Variants in USP25 observed in about 807,000 individuals in gnomAD.
The protein encoded by USP25 is ubiquitin specific peptidase 25.
USP25 carries 85 observed loss-of-function variants against 158.5 expected under a neutral mutation model. That is an observed-to-expected ratio of 0.54 (90% confidence interval 0.45 to 0.64). USP25 has a LOEUF of 0.64. USP25 is among the 30% of genes least tolerant of loss of function. USP25 has a pLI of 0.00. For synonymous variants in USP25, 464 were observed against 460.4 expected (o/e 1.01, Z -0.10); for missense variants, 1,242 against 1,327.3 (o/e 0.94, Z 1.00).
chr21:15,750,181 C>CGTGTGTGTGT (rs367779613), intron 1 of USP25, among the ~76,000 whole-genome samples: 5 of 126,932 alleles, frequency 3.9e-5, no homozygotes, highest in African/African-American at 1.4e-4. Flanking sequence ...TCTCCAGTGC[C>CGTGTGTGTGT]GTGTGTGTGT....
Position 15,854,185 on chromosome 21 carries a change from G to A in USP25, c.2547+4313G>A, listed in dbSNP as rs1406515391. 5.3e-5 allele frequency among the ~76,000 whole-genome samples: 8 copies of A among 152,044 alleles called. No homozygotes were observed. In the East Asian group the frequency reaches 7.7e-4, roughly 15 times the overall value. On this transcript the variant is annotated intron_variant, in intron 20 of 25. Coordinates refer to ENST00000400183, the MANE Select transcript of USP25 (RefSeq NM_001283041.3). The stretch of plus-strand genomic sequence containing the variant: ...GTTTGAGGCAAAGTCTCACTCTGTC[G>A]CCCAGGCTGGAGTGCAGTGGTGCGA...
intron 9 of USP25, among the ~76,000 whole-genome samples, chr21:15,814,974 C>T (rs2036861480): frequency 6.6e-6 from 1 of 152,138 alleles, no homozygotes; most frequent in East Asian, 1.9e-4. Context: ...CCATCATAGA[C>T]CCAGAGAAGC....
chr21:15,785,217 A>G (rs917981489), intron 4 of USP25, among the ~76,000 whole-genome samples: 94 of 152,342 alleles, frequency 6.2e-4, no homozygotes, highest in African/African-American at 2.1e-3. Flanking sequence ...GTAAATATAT[A>G]AGCACCGAAC....
intron 18 of USP25, among the ~76,000 whole-genome samples, chr21:15,845,178 G>T (rs186899372): frequency 3.3e-5 from 5 of 152,196 alleles, no homozygotes; most frequent in African/African-American, 9.6e-5. Flanking sequence ...GACTTAGATA[G>T]CTTTTTTGTC....
intron 9 of USP25, among the ~76,000 whole-genome samples, chr21:15,813,016 C>T (rs1197128945): frequency 6.7e-6 from 1 of 149,442 alleles, no homozygotes; most frequent in Non-Finnish European, 1.5e-5. Context: ...ACTCTCTTTC[C>T]CCCCTTCCCT....
intron 23 of USP25, among the ~76,000 whole-genome samples, 189 bp from the exon 24 acceptor site, chr21:15,874,214 T>C (rs2040009404): frequency 6.6e-6 from 1 of 152,206 alleles, no homozygotes; most frequent in African/African-American, 2.4e-5. Context: ...AAGATAACTA[T>C]CTCTGGGTTT....
intron 24 of USP25, among the ~76,000 whole-genome samples, chr21:15,874,777 C>G (rs1239337153): frequency 6.6e-6 from 1 of 152,128 alleles, no homozygotes; most frequent in Non-Finnish European, 1.5e-5. Flanking sequence ...GTTTACATTT[C>G]TGTATTTAGA....
intron 22 of USP25, among the ~76,000 whole-genome samples, chr21:15,867,070 A>G (rs909654525): frequency 6.6e-5 from 10 of 152,186 alleles, no homozygotes; most frequent in South Asian, 2.1e-4. Flanking sequence ...GAGCACTTAC[A>G]TAGGTACTTG....
rs1054519632 is a variant in USP25, at chr21:15,816,486, G to T, written c.932-2212G>T. The stretch of plus-strand genomic sequence containing the variant: ...TTAAAAACACATTTCTCTGGCTTTT[G>T]TAACACCATATTCTTGTGGCTTTTT... On this transcript the variant is annotated intron_variant, in intron 9 of 25. Transcript: ENST00000400183. This position sits in a 1 kb window ranked among gnomAD's most constrained non-coding sequence, Gnocchi z 4.0. 3.3e-5 allele frequency among the ~76,000 whole-genome samples: 5 copies of T among 151,908 alleles called. No individual in the cohort carries two copies. Among genetic ancestry groups the T allele is most frequent in the Admixed American group, 2.0e-4 (3 of 15,248 alleles).
At position 15,766,199 on chromosome 21, in the gene USP25, G is replaced by T; in HGVS notation, c.268+58G>T. Reference sequence around the variant, plus strand: ...AGAAACATACTGAAAAACTTTTCTTGGTGTAATATATTAATGTTGCTTAAG... The same window carrying T: ...AGAAACATACTGAAAAACTTTTCTTTGTGTAATATATTAATGTTGCTTAAG... On this transcript the variant is annotated intron_variant, in intron 3 of 25. Coordinates refer to ENST00000400183, the MANE Select transcript of USP25 (RefSeq NM_001283041.3). The surrounding 1 kb of genome is among the most constrained non-coding windows in gnomAD (Gnocchi z 4.0). 6.7e-7 allele frequency: 1 copy of T among 1,496,738 alleles called. No homozygotes were observed. Among genetic ancestry groups the T allele is most frequent in the African/African-American group, 1.4e-5 (1 of 70,210 alleles). The allele number at this position is 1,496,738 out of a possible 1,614,324, so 92.7% of individuals were successfully genotyped here. A position where few individuals can be genotyped will look rare whatever the true frequency, so the allele number is the denominator to read the frequency against.
At chr21:15,833,235 CTGAG>C in intron 16 of USP25, 109 bp from the exon 17 acceptor site, 1 of 972,376 alleles carries the variant, frequency 1.0e-6, no homozygotes, top group Non-Finnish European at 1.5e-6. Flanking sequence ...ATATGATTGG[CTGAG>C]TGGTAATAAT....
intron 3 of USP25, among the ~76,000 whole-genome samples, chr21:15,772,154 A>G (rs1467148569): frequency 6.6e-6 from 1 of 152,148 alleles, no homozygotes; most frequent in Non-Finnish European, 1.5e-5. Flanking sequence ...AACAATGCAT[A>G]TATTTTGTTT....
At chr21:15,762,770 A>G (rs2033808162) in intron 1 of USP25, 121 bp from the exon 2 acceptor site, 1 of 807,558 alleles carries the variant, frequency 1.2e-6, no homozygotes, top group East Asian at 2.6e-5. Flanking sequence ...TTCCTTTTTT[A>G]CTCTAGTTTA....
At chr21:15,848,017 T>G (rs886208828) in intron 19 of USP25, among the ~76,000 whole-genome samples, 1 of 152,216 alleles carries the variant, frequency 6.6e-6, no homozygotes, top group Non-Finnish European at 1.5e-5. Flanking sequence ...TTAATTCTTT[T>G]ATGCAGAAAT....
rs898470230 is a variant in USP25 at position 15,879,510 on chromosome 21, C to T, written c.*1035C>T. 6.6e-6 allele frequency: 1 copy of T among 152,306 alleles called. No homozygotes were observed. The highest frequency in any genetic ancestry group is 2.4e-5 in the African/African-American group (1 of 41,394). 9.4% of individuals were successfully genotyped at this position (152,306 alleles called of 1,614,324 possible). ...TAGAAGTTATGAGTATCTTAACTGC[C>T]TTTATTCCTTTTCAAAAAGGAAAAA... On this transcript the variant is annotated 3_prime_UTR_variant, in exon 26 of 26. Transcript: ENST00000400183.
At chr21:15,767,633 G>T (rs1313457237) in intron 3 of USP25, among the ~76,000 whole-genome samples, 1 of 151,920 alleles carries the variant, frequency 6.6e-6, no homozygotes, top group African/African-American at 2.4e-5. Context: ...TAATATTTTG[G>T]ATATTTCAAA....
At chr21:15,849,932 AT>A in intron 20 of USP25, 60 bp downstream of exon 20, 1 of 1,263,316 alleles carries the variant, frequency 7.9e-7, no homozygotes, top group Non-Finnish European at 1.1e-6. Flanking sequence ...TTCTTAAAAT[AT>A]TTTATTTCTT....
rs1476990847 is a variant in USP25 at position 15,826,978 on chromosome 21, A to G, written c.1468A>G (p.Thr490Ala). The change falls in exon 14 of 26, where the codon ACA becomes GCA. Residue 490 changes from threonine (T) to alanine (A), a missense_variant and splice_region_variant. By Grantham distance (58) the Thr-to-Ala change is moderately conservative. Around this residue, in one of 3 missense-constraint regions of USP25, gnomAD observed 627 missense variants for 701.4 expected, o/e 0.89. Coordinates refer to ENST00000400183, the MANE Select transcript of USP25 (RefSeq NM_001283041.3). The surrounding 1 kb of genome is among the most constrained non-coding windows in gnomAD (Gnocchi z 4.8). Reference protein sequence around the residue: ...GSIPSQTLPSTTEQQGALSSE... With the variant: ...GSIPSQTLPSATEQQGALSSE... Reference sequence around the variant, plus strand: ...GAAATACTCTATGCTTTGATACAGCACAACAGAACAACAGGGAGCCCTATC... The same window carrying G: ...GAAATACTCTATGCTTTGATACAGCGCAACAGAACAACAGGGAGCCCTATC... 1 of 1,613,306 alleles carries G rather than the reference A, an allele frequency of 6.2e-7. No individual in the cohort carries two copies. Among genetic ancestry groups the G allele is most frequent in the Non-Finnish European group, 8.5e-7 (1 of 1,180,008 alleles).
In USP25 at chr21:15,864,285, T is replaced by C. The variant is rs1443254883; in HGVS notation, c.2565T>C (p.Tyr855=). The C allele has an allele frequency of 8.7e-6, 14 of 1,606,242 alleles. No homozygotes were observed. Among genetic ancestry groups the C allele is most frequent in the Admixed American group, 1.7e-5 (1 of 58,146 alleles). ...TTTTCCAGGCAATTAAGTTGGAATA[T>C]GCAAGGTTGGTTAAGTTGGCCCAAG... ...AGFFKAIKLE[Y]ARLVKLAQED... Residue 855 remains tyrosine (Y), a synonymous_variant, in exon 21 of 26, where the codon TAT becomes TAC. Coordinates refer to ENST00000400183, the MANE Select transcript of USP25 (RefSeq NM_001283041.3).
Sources: gnomAD v4.1 joint callset for allele counts (sites outside exome capture counted in the v4.1 genomes callset) on GRCh38, gnomAD v4.1.1 for gene constraint, gnomAD v4.1.1 regional missense constraint, Gnocchi (gnomAD v3.1) non-coding constraint, MANE v1.5 for transcripts, NCBI Gene and HGNC (gene_info 2026-07-23, HGNC 2026-07-21) for gene names.